The following ARHGEF3 variants were observed in gnomAD, a reference collection of about 807,000 sequenced individuals.
ARHGEF3 encodes 59.8 kDA protein.
Under a neutral mutation model 63.2 loss-of-function variants are expected in ARHGEF3, and 28 were observed. The ratio of observed to expected loss-of-function variants is 0.44; its 90% confidence interval spans 0.33 to 0.61. ARHGEF3 has a LOEUF of 0.61. ARHGEF3 is among the 20% of genes least tolerant of loss of function. The pLI is 0.03. For missense variants in ARHGEF3, 533 were observed against 659.3 expected, an observed-to-expected ratio of 0.81 and a Z score of 2.10; for synonymous variants, 266 against 254.2, an observed-to-expected ratio of 1.05 and a Z score of -0.44.
intron 3 of ARHGEF3, among the ~76,000 whole-genome samples, chr3:56,895,079 T>C (rs2041253400): frequency 6.6e-6 from 1 of 152,128 alleles, no homozygotes; most frequent in African/African-American, 2.4e-5. Flanking sequence ...TTAGGGGCCC[T>C]CTACCTCCCT....
intron 3 of ARHGEF3, among the ~76,000 whole-genome samples, chr3:56,925,328 C>T (rs914838948): frequency 6.6e-6 from 1 of 152,158 alleles, no homozygotes; most frequent in African/African-American, 2.4e-5. Flanking sequence ...CTGGTCCTTC[C>T]GAAATTCTCT....
chr3:56,999,365 TCATA>T (rs1188409493), intron 2 of ARHGEF3, among the ~76,000 whole-genome samples: 1 of 152,200 alleles, frequency 6.6e-6, no homozygotes, highest in African/African-American at 2.4e-5. Flanking sequence ...TATTTTTTAA[TCATA>T]CACTTATCTA....
intron 2 of ARHGEF3, among the ~76,000 whole-genome samples, chr3:56,772,121 G>A (rs967893041): frequency 2.2e-4 from 34 of 152,336 alleles, no homozygotes; most frequent in African/African-American, 7.2e-4. Flanking sequence ...AAAGGGATCA[G>A]GGTATTAACC....
At position 56,727,736 on chromosome 3, in the gene ARHGEF3, T is replaced by C. The variant is rs1295491594; in HGVS notation, c.*1534A>G. On this transcript the variant is annotated 3_prime_UTR_variant, in exon 10 of 10. Transcript: ENST00000296315. ...AACTTGTAATAGAAAAAATTCATCA[T>C]GTTTAAGACCTATAAATACAGAAAT... The C allele has an allele frequency of 1.3e-5, 2 of 152,536 alleles. No individual in the cohort carries two copies. Among genetic ancestry groups the C allele is most frequent in the Admixed American group, 6.5e-5 (1 of 15,282 alleles). 9.4% of individuals were successfully genotyped at this position (152,536 alleles called of 1,614,324 possible). A position where few individuals can be genotyped will look rare whatever the true frequency, so the allele number is the denominator to read the frequency against.
intron 1 of ARHGEF3, chr3:57,074,174 C>G: frequency 6.2e-7 from 1 of 1,614,174 alleles, no homozygotes; most frequent in Non-Finnish European, 8.5e-7. Flanking sequence ...GCACAGGGTG[C>G]AGCCGTTCAA....
rs543515165 is a variant in ARHGEF3 at position 57,040,288 on chromosome 3, T to C, written c.-27-5112A>G. Among the ~76,000 whole-genome samples the C allele has an allele frequency of 3.9e-5, 6 of 151,930 alleles. No homozygotes were observed. In the South Asian group the frequency reaches 6.2e-4, roughly 16 times the overall value. On this transcript the variant is annotated intron_variant, in intron 1 of 12. Transcript: ENST00000338458. Reference sequence around the variant, plus strand: ...GTCAGGACATTGAGACCAACCTGGCTAACATGGTGAAACCCCATCTCTACT... The same window carrying C: ...GTCAGGACATTGAGACCAACCTGGCCAACATGGTGAAACCCCATCTCTACT...
intron 3 of ARHGEF3, among the ~76,000 whole-genome samples, chr3:56,933,858 C>G (rs759461499): frequency 6.6e-6 from 1 of 152,220 alleles, no homozygotes; most frequent in Non-Finnish European, 1.5e-5. Context: ...CAGAAAGGGT[C>G]TGGTGGGAGG....
chr3:56,750,995 ATG>A, intron 6 of ARHGEF3, 59 bp downstream of exon 6: 1 of 1,214,402 alleles, frequency 8.2e-7, no homozygotes, highest in Non-Finnish European at 1.1e-6. Context: ...TCTAGCTAAA[ATG>A]AAACTCCCAT....
chr3:56,946,473 G>A (rs1699503964), intron 3 of ARHGEF3, among the ~76,000 whole-genome samples: 1 of 152,218 alleles, frequency 6.6e-6, no homozygotes, highest in Non-Finnish European at 1.5e-5. Context: ...AGAACTACGT[G>A]ATGAATGCAC....
At chr3:57,073,864 C>A (rs765944661) in intron 1 of ARHGEF3, 19 of 1,614,214 alleles carry the variant, frequency 1.2e-5, no homozygotes, top group Non-Finnish European at 1.4e-5. Context: ...TGCCAGGGTC[C>A]AGGTGTCCTG....
chr3:57,031,271 C>G (rs1488116), intron 2 of ARHGEF3, among the ~76,000 whole-genome samples: 72,739 of 152,120 alleles, frequency 0.48, 17,827 homozygotes, highest in African/African-American at 0.54. Flanking sequence ...ATAAATACAT[C>G]TAAGATGAGA....
intron 3 of ARHGEF3, among the ~76,000 whole-genome samples, chr3:56,904,617 C>T (rs1185928604): frequency 6.6e-6 from 1 of 152,170 alleles, no homozygotes; most frequent in Non-Finnish European, 1.5e-5. Flanking sequence ...TAATGTTTGG[C>T]TGCACAGAAG....
At chr3:56,951,587 T>C (rs1390762298) in intron 3 of ARHGEF3, among the ~76,000 whole-genome samples, 1 of 152,018 alleles carries the variant, frequency 6.6e-6, no homozygotes, top group Admixed American at 6.6e-5. Context: ...GCAATGTCTC[T>C]GGGGTGTGCC....
chr3:57,013,281 AG>A (rs1389662329), intron 2 of ARHGEF3, among the ~76,000 whole-genome samples: 11 of 152,218 alleles, frequency 7.2e-5, no homozygotes, highest in African/African-American at 2.4e-4. Flanking sequence ...TAGGCAGCTC[AG>A]CCCCCGGCCC....
chr3:56,859,799 A>C (rs1320484860), intron 4 of ARHGEF3, among the ~76,000 whole-genome samples: 1 of 151,860 alleles, frequency 6.6e-6, no homozygotes, highest in Non-Finnish European at 1.5e-5. Context: ...CGGTCTCCCA[A>C]AGTGCTGGGG....
chr3:56,858,929 C>T (rs1383064421), intron 4 of ARHGEF3, among the ~76,000 whole-genome samples: 1 of 152,090 alleles, frequency 6.6e-6, no homozygotes, highest in East Asian at 1.9e-4. Flanking sequence ...TATATACTTC[C>T]TAGGCAGCCT....
intron 1 of ARHGEF3, among the ~76,000 whole-genome samples, chr3:56,784,849 C>A (rs1375678411): frequency 6.6e-6 from 1 of 152,080 alleles, no homozygotes; most frequent in Non-Finnish European, 1.5e-5. Flanking sequence ...GACCTTGGGC[C>A]CAAAATATAA....
intron 1 of ARHGEF3, among the ~76,000 whole-genome samples, chr3:56,778,654 C>T (rs1226854429): frequency 1.3e-5 from 2 of 152,124 alleles, no homozygotes; most frequent in Non-Finnish European, 2.9e-5. Context: ...CCACCTCAGC[C>T]TCTCAAGAAA....
chr3:56,934,967 T>A (rs2042519368), intron 3 of ARHGEF3, among the ~76,000 whole-genome samples: 1 of 152,236 alleles, frequency 6.6e-6, no homozygotes, highest in Non-Finnish European at 1.5e-5. Context: ...TATGTCTAGC[T>A]CAGGGGTTGT....
Sources: gnomAD v4.1 joint callset for allele counts (sites outside exome capture counted in the v4.1 genomes callset) on GRCh38, gnomAD v4.1.1 for gene constraint, MANE v1.5 for transcripts, NCBI Gene and HGNC (gene_info 2026-07-23, HGNC 2026-07-21) for gene names.